Variants in PPIG observed in about 807,000 individuals in gnomAD.
PPIG encodes the protein peptidylprolyl isomerase G.
Under a neutral mutation model 87.9 loss-of-function variants are expected in PPIG, and 26 were observed. The observed-to-expected ratio is 0.30, with a 90% confidence interval of 0.22 to 0.41. The LOEUF (loss-of-function observed/expected upper bound fraction) is 0.41. Ranked by LOEUF, PPIG falls within the 10% of genes least tolerant of loss-of-function variation. The pLI, the probability that PPIG is intolerant of heterozygous loss-of-function variation, is 1.00. For synonymous variants in PPIG, 308 were observed against 276.5 expected, an observed-to-expected ratio of 1.11 and a Z score of -1.13; for missense variants, 722 against 879.4, an observed-to-expected ratio of 0.82 and a Z score of 2.26.
chr2:169,605,192 G>C (rs758389230), intron 4 of PPIG, among the ~76,000 whole-genome samples: 13 of 152,152 alleles, frequency 8.5e-5, no homozygotes, highest in African/African-American at 1.4e-4. Context: ...AAATTAGCCA[G>C]GCGTGGTAGT....
chr2:169,630,497 A>T lies in PPIG; in HGVS notation c.548-277A>T, dbSNP rs13008034. The stretch of plus-strand genomic sequence containing the variant: ...TTGTTATTCTGTGCTTTTAAAAAAA[A>T]TTCTTATTCAGATGTTTGTTAACAT... On this transcript the variant is annotated intron_variant, in intron 9 of 13. Transcript: ENST00000260970. 0.6 allele frequency among the ~76,000 whole-genome samples: 90,684 copies of T among 152,000 alleles called. 27,700 individuals carry two copies. The highest frequency in any genetic ancestry group is 0.73 in the African/African-American group (30,138 of 41,514).
At chr2:169,608,583 A>G in intron 6 of PPIG, 88 bp from the exon 7 acceptor site, 1 of 717,628 alleles carries the variant, frequency 1.4e-6, no homozygotes, top group South Asian at 1.7e-5. Flanking sequence ...GTGGCACTAA[A>G]TAATACATCA....
chr2:169,595,949 C>T (rs915982884), intron 1 of PPIG, among the ~76,000 whole-genome samples: 7 of 151,180 alleles, frequency 4.6e-5, no homozygotes, highest in East Asian at 3.9e-4. Flanking sequence ...GGATTACAGG[C>T]GTGTGCCACT....
rs773649760 is a variant in PPIG, at chr2:169,604,711, T to C, written c.136+450T>C. Among the ~76,000 whole-genome samples the C allele has an allele frequency of 2.2e-3, 334 of 150,360 alleles. 3 individuals carry two copies. Among genetic ancestry groups the C allele is most frequent in the Non-Finnish European group, 4.3e-3 (290 of 67,680 alleles). On this transcript the variant is annotated intron_variant, in intron 4 of 13. Transcript: ENST00000260970. ...CAAGATGGTGAAACCCCATCTCTAC[T>C]AAAAATACAAAAATTAGCCAAATGT...
chr2:169,606,591 C>CAGAAAAAAAAAAA (rs1685333261), intron 5 of PPIG, among the ~76,000 whole-genome samples: 1 of 85,032 alleles, frequency 1.2e-5, no homozygotes, highest in Non-Finnish European at 2.1e-5. Flanking sequence ...GACTCTGTCT[C>CAGAAAAAAAAAAA]AAAAAAAAAA....
At chr2:169,617,783 A>G (rs918535174) in intron 9 of PPIG, among the ~76,000 whole-genome samples, 2 of 152,196 alleles carry the variant, frequency 1.3e-5, no homozygotes, top group Non-Finnish European at 2.9e-5. Context: ...TAAATATACA[A>G]TCATGTCATC....
chr2:169,586,956 C>A (rs1243039189), intron 1 of PPIG, among the ~76,000 whole-genome samples: 3 of 152,036 alleles, frequency 2.0e-5, no homozygotes, highest in Admixed American at 1.3e-4. Context: ...TTTTTTCAGA[C>A]AGAGTCTTGC....
chr2:169,588,954 C>T (rs1203220887), intron 1 of PPIG, among the ~76,000 whole-genome samples: 2 of 110,814 alleles, frequency 1.8e-5, no homozygotes. Context: ...ACGAAACTCC[C>T]TCTCAAAAAA....
chr2:169,610,719 T>A (rs1188312235), intron 7 of PPIG, among the ~76,000 whole-genome samples: 1 of 152,190 alleles, frequency 6.6e-6, no homozygotes, highest in African/African-American at 2.4e-5. Context: ...TTTCCCTTTC[T>A]TACACCGTAG....
At chr2:169,615,137 C>T (rs1353288175) in intron 9 of PPIG, among the ~76,000 whole-genome samples, 3 of 152,066 alleles carry the variant, frequency 2.0e-5, no homozygotes, top group African/African-American at 7.2e-5. Flanking sequence ...CAACCTCCGT[C>T]TCCCGGGTTG....
chr2:169,604,959 G>A lies in PPIG; in HGVS notation c.136+698G>A, dbSNP rs557447653. Among the ~76,000 whole-genome samples, 5 of 151,242 alleles carry A rather than the reference G, an allele frequency of 3.3e-5. No homozygotes were observed. In the East Asian group the frequency reaches 7.8e-4, roughly 24 times the overall value. On this transcript the variant is annotated intron_variant, in intron 4 of 13. Coordinates refer to ENST00000260970, the MANE Select transcript of PPIG (RefSeq NM_004792.3). ...ACACCTGTAATCCCAGCACTTTGGG[G>A]GGCCGAGGTGGGTGGATCACTTGAG...
intron 1 of PPIG, among the ~76,000 whole-genome samples, chr2:169,601,671 C>G (rs1337785262): frequency 6.6e-6 from 1 of 151,964 alleles, no homozygotes; most frequent in Non-Finnish European, 1.5e-5. Flanking sequence ...GCAGGGGGAA[C>G]AAGCAGGATA....
chr2:169,593,829 G>A (rs1358706682), intron 1 of PPIG, among the ~76,000 whole-genome samples: 1 of 97,384 alleles, frequency 1.0e-5, no homozygotes, highest in Non-Finnish European at 2.3e-5. Context: ...TTTTTTTTTT[G>A]TATTTTTAGT....
intron 5 of PPIG, among the ~76,000 whole-genome samples, chr2:169,606,591 C>CAAAAAAAAAAAAAAAAAAAAAAAAAAA (rs71006009): frequency 1.1e-4 from 9 of 85,012 alleles, no homozygotes; most frequent in African/African-American, 2.7e-4. Flanking sequence ...GACTCTGTCT[C>CAAAAAAAAAAAAAAAAAAAAAAAAAAA]AAAAAAAAAA....
intron 1 of PPIG, among the ~76,000 whole-genome samples, chr2:169,585,486 C>T (rs566859045): frequency 3.3e-5 from 5 of 152,086 alleles, no homozygotes; most frequent in African/African-American, 1.2e-4. Flanking sequence ...TGGTCGATCT[C>T]CTGACCTCGT....
Position 169,607,096 on chromosome 2 carries a change from A to C in PPIG, c.245-8A>C. The C allele has an allele frequency of 6.4e-7, 1 of 1,560,886 alleles. No homozygotes were observed. The highest frequency in any genetic ancestry group is 8.8e-7 in the Non-Finnish European group (1 of 1,136,964). On this transcript the variant is annotated splice_polypyrimidine_tract_variant and splice_region_variant and intron_variant, in intron 5 of 13. Coordinates refer to ENST00000260970, the MANE Select transcript of PPIG (RefSeq NM_004792.3). ...TGAGAGTTATAAGAGTATGTTTTTC[A>C]TTTTTAGGAAATGGACGAGGAGGGG...
intron 9 of PPIG, among the ~76,000 whole-genome samples, chr2:169,614,994 T>C (rs1179195008): frequency 6.6e-6 from 1 of 152,134 alleles, no homozygotes; most frequent in Non-Finnish European, 1.5e-5. Flanking sequence ...TAATTACCCC[T>C]TTTTGTGGTG....
chr2:169,637,217 CAGAAA>C lies in PPIG; in HGVS notation c.1966_1970del (p.Glu656PhefsTer2). 6.2e-7 allele frequency: 1 copy of C among 1,613,104 alleles called. No homozygotes were observed. Among genetic ancestry groups the C allele is most frequent in the Non-Finnish European group, 8.5e-7 (1 of 1,179,842 alleles). ...GAAACCAAGAGAGTAAGAGCTCACA[CAGAAA>C]AGAAAATTCTGAGAGTGAGAAAAGA... On this transcript the variant is annotated frameshift_variant, in exon 14 of 14. Coordinates refer to ENST00000260970, the MANE Select transcript of PPIG (RefSeq NM_004792.3). LOFTEE classifies it high-confidence loss of function.
intron 9 of PPIG, among the ~76,000 whole-genome samples, chr2:169,622,293 A>G (rs1360659141): frequency 1.3e-5 from 2 of 152,240 alleles, no homozygotes; most frequent in Non-Finnish European, 2.9e-5. Flanking sequence ...ATTTTAAACC[A>G]TAAACAGTAA....
Sources: allele counts gnomAD v4.1 joint callset (sites outside exome capture counted in the v4.1 genomes callset), GRCh38; gene constraint gnomAD v4.1.1; transcripts MANE v1.5; gene names NCBI Gene and HGNC (gene_info 2026-07-23, HGNC 2026-07-21).